Variants in PIEZO2 observed in about 807,000 individuals in gnomAD.
PIEZO2 encodes piezo type mechanosensitive ion channel component 2, also known as piezo-type mechanosensitive ion channel component 2.
In PIEZO2, 172 loss-of-function variants were observed where a neutral mutation model predicts 337.3. The ratio of observed to expected loss-of-function variants is 0.51; its 90% confidence interval spans 0.45 to 0.58. The LOEUF (loss-of-function observed/expected upper bound fraction) is 0.58, where lower values mean the gene tolerates loss of function less well. Among genes scored for constraint, PIEZO2 ranks in the 20% least tolerant of loss-of-function variants. PIEZO2 has a pLI of 0.00. For missense variants in PIEZO2, 3,028 were observed against 3,391.3 expected (o/e 0.89, Z 2.66); for synonymous variants, 1,251 against 1,228.5 (o/e 1.02, Z -0.38).
chr18:10,675,517 C>G (rs1408679811), intron 53 of PIEZO2, among the ~76,000 whole-genome samples: 2 of 152,170 alleles, frequency 1.3e-5, no homozygotes, highest in Non-Finnish European at 2.9e-5. Flanking sequence ...GTCTGTACAA[C>G]AAGCTCGGTG....
chr18:11,011,833 T>C (rs938352517), intron 2 of PIEZO2, among the ~76,000 whole-genome samples: 6 of 152,196 alleles, frequency 3.9e-5, no homozygotes, highest in Admixed American at 3.9e-4. Flanking sequence ...CAGAACCACA[T>C]GACCAGGTGC....
chr18:10,768,988 C>T (rs1055067056), intron 21 of PIEZO2, among the ~76,000 whole-genome samples: 5 of 152,216 alleles, frequency 3.3e-5, no homozygotes, highest in African/African-American at 1.2e-4. Context: ...TCACACCCTG[C>T]CACGCAGCTT....
intron 1 of PIEZO2, among the ~76,000 whole-genome samples, chr18:11,138,283 T>C (rs2040545941): frequency 1.3e-5 from 2 of 152,116 alleles, no homozygotes; most frequent in South Asian, 4.1e-4. Flanking sequence ...GTTTTTTTTG[T>C]TGTTGTTGTA....
chr18:11,022,835 G>C (rs990623662), intron 2 of PIEZO2, among the ~76,000 whole-genome samples: 1 of 152,188 alleles, frequency 6.6e-6, no homozygotes. Context: ...GGACCCTCGA[G>C]GTGAGTGTTA....
chr18:10,961,608 A>G (rs555603918), intron 3 of PIEZO2, among the ~76,000 whole-genome samples: 2 of 152,324 alleles, frequency 1.3e-5, no homozygotes, highest in South Asian at 2.1e-4. Context: ...AAAAATTTCA[A>G]AAAGAGTCAG....
At chr18:10,937,874 A>G (rs1456464356) in intron 3 of PIEZO2, among the ~76,000 whole-genome samples, 1 of 152,178 alleles carries the variant, frequency 6.6e-6, no homozygotes, top group Non-Finnish European at 1.5e-5. Flanking sequence ...ATGATAAATT[A>G]AGTCACGTTA....
At chr18:11,068,811 A>C (rs1359424161) in intron 1 of PIEZO2, among the ~76,000 whole-genome samples, 1 of 152,168 alleles carries the variant, frequency 6.6e-6, no homozygotes, top group East Asian at 1.9e-4. Context: ...AGATGCAAAA[A>C]ATTAAGATTA....
intron 5 of PIEZO2, among the ~76,000 whole-genome samples, chr18:10,858,010 T>TTC (rs550227527): frequency 0.26 from 38,786 of 148,492 alleles, 4,905 homozygotes; most frequent in African/African-American, 0.28. Flanking sequence ...TCTTTCTTTT[T>TTC]TTTTTTTTTT....
intron 36 of PIEZO2, among the ~76,000 whole-genome samples, chr18:10,722,745 G>A (rs1212777234): frequency 1.3e-5 from 2 of 152,188 alleles, no homozygotes; most frequent in Non-Finnish European, 2.9e-5. Flanking sequence ...GTTTATGGAA[G>A]AAGTCTGAGC....
At chr18:10,785,004 GAA>G (rs1244022029) in intron 16 of PIEZO2, 47 bp from the exon 17 acceptor site, 1 of 1,496,816 alleles carries the variant, frequency 6.7e-7, no homozygotes, top group Non-Finnish European at 8.9e-7. Context: ...CTTACGCAAT[GAA>G]GTCACAAACT....
At chr18:11,119,104 G>T (rs545811574) in intron 1 of PIEZO2, among the ~76,000 whole-genome samples, 97 of 150,788 alleles carry the variant, frequency 6.4e-4, no homozygotes, top group African/African-American at 2.2e-3. Context: ...AATAAGAATA[G>T]TTATTTGGGT....
intron 1 of PIEZO2, among the ~76,000 whole-genome samples, chr18:11,067,207 G>T (rs140709288): frequency 1.3e-3 from 200 of 152,204 alleles, no homozygotes; most frequent in African/African-American, 4.7e-3. Context: ...TATACTATTA[G>T]GTGATGGTTA....
intron 36 of PIEZO2, among the ~76,000 whole-genome samples, chr18:10,718,719 T>C (rs749005891): frequency 2.6e-5 from 4 of 152,134 alleles, no homozygotes; most frequent in Non-Finnish European, 5.9e-5. Context: ...CCTTAAAATA[T>C]TTACTATCAA....
rs558610803 is a variant in PIEZO2 at position 10,877,104 on chromosome 18, A to G, written c.330-5689T>C. ...TTCTGACTTGTATTGTAGCCACCAG[A>G]CTCTTCTCTACGTCCTACTTAATTG... On this transcript the variant is annotated intron_variant, in intron 4 of 55. Transcript: ENST00000674853. The surrounding 1 kb of genome is among the most constrained non-coding windows in gnomAD (Gnocchi z 5.3). Among the ~76,000 whole-genome samples, 2 of 152,044 alleles carry G rather than the reference A, an allele frequency of 1.3e-5. No individual in the cohort carries two copies. Among genetic ancestry groups the G allele is most frequent in the African/African-American group, 4.8e-5 (2 of 41,466 alleles).
At chr18:10,970,424 C>T (rs552905824) in intron 3 of PIEZO2, among the ~76,000 whole-genome samples, 8 of 152,298 alleles carry the variant, frequency 5.3e-5, no homozygotes, top group African/African-American at 9.6e-5. Context: ...CCCAGGGCCC[C>T]GGCACCCTCC....
intron 1 of PIEZO2, among the ~76,000 whole-genome samples, chr18:11,108,523 A>G (rs1048908978): frequency 1.2e-4 from 18 of 145,128 alleles, no homozygotes; most frequent in African/African-American, 4.5e-4. Flanking sequence ...CTGAGGCAGG[A>G]GAATGGCTTG....
Position 10,735,304 on chromosome 18 carries a change from G to T in PIEZO2, c.4842C>A (p.Ala1614=), listed in dbSNP as rs1484527442. ...FQRAIGKFAS[A]ILALPKSVIK... is the part of the protein sequence containing the mutation. ...TGACAGACTTTGGCAAGGCTAAAAT[G>T]GCTGATGCAAACTTCCCAATAGCTC... The change falls in exon 35 of 56, where the codon GCC becomes GCA. Residue 1614 remains alanine, a synonymous_variant. Transcript: ENST00000674853. Among the ~76,000 whole-genome samples, 1 of 152,158 alleles carries T rather than the reference G, an allele frequency of 6.6e-6. No individual in the cohort carries two copies. The highest frequency in any genetic ancestry group is 1.5e-5 in the Non-Finnish European group (1 of 68,032).
chr18:11,058,494 T>C (rs2037812729), intron 2 of PIEZO2, among the ~76,000 whole-genome samples: 1 of 152,036 alleles, frequency 6.6e-6, no homozygotes, highest in South Asian at 2.1e-4. Context: ...AGGAGGAAGT[T>C]CGAAAACATG....
chr18:10,769,443 T>C (rs946622764), intron 21 of PIEZO2, among the ~76,000 whole-genome samples: 1 of 152,238 alleles, frequency 6.6e-6, no homozygotes, highest in Non-Finnish European at 1.5e-5. Context: ...GTGTTGTAGT[T>C]GTGATATTTT....
Sources: allele counts gnomAD v4.1 joint callset (sites outside exome capture counted in the v4.1 genomes callset), GRCh38; gene constraint gnomAD v4.1.1; non-coding constraint Gnocchi (gnomAD v3.1); transcripts MANE v1.5; gene names NCBI Gene and HGNC (gene_info 2026-07-23, HGNC 2026-07-21).